The following DAB1 variants were observed in gnomAD, a reference collection of about 807,000 sequenced individuals.
DAB1 encodes disabled homolog 1.
In DAB1, 15 loss-of-function variants were observed where a neutral mutation model predicts 64.6. The ratio of observed to expected loss-of-function variants is 0.23; its 90% CI spans 0.16 to 0.36. The LOEUF is 0.36. Among genes scored for constraint, DAB1 ranks in the 10% least tolerant of loss-of-function variants. DAB1 has a pLI of 1.00. For synonymous variants in DAB1, 235 were observed against 251.9 expected (o/e 0.93, Z 0.64); for missense variants, 596 against 706.7 (o/e 0.84, Z 1.78).
chr1:57,579,959 G>A (rs1645292776), intron 7 of DAB1, among the ~76,000 whole-genome samples: 1 of 152,194 alleles, frequency 6.6e-6, no homozygotes, highest in Admixed American at 6.5e-5. Context: ...TGGTCACAGA[G>A]AGAGTGAGAG....
chr1:58,021,464 C>T (rs1646813823), intron 5 of DAB1, among the ~76,000 whole-genome samples: 1 of 152,102 alleles, frequency 6.6e-6, no homozygotes, highest in Non-Finnish European at 1.5e-5. Flanking sequence ...AATGGTAAAG[C>T]CTGGATAGAG....
chr1:58,128,026 T>A (rs1009482496), intron 5 of DAB1, among the ~76,000 whole-genome samples: 34 of 151,828 alleles, frequency 2.2e-4, no homozygotes, highest in African/African-American at 8.0e-4. Context: ...GGGGATGGCA[T>A]TGAATCTGTA....
intron 7 of DAB1, among the ~76,000 whole-genome samples, chr1:57,504,657 G>A (rs887883992): frequency 6.6e-6 from 1 of 152,154 alleles, no homozygotes; most frequent in African/African-American, 2.4e-5. Context: ...TACTCCTTAA[G>A]TGTGGGCTGG....
At chr1:57,553,436 AAGAAAGAG>A (rs1644943151) in intron 7 of DAB1, among the ~76,000 whole-genome samples, 1 of 18,952 alleles carries the variant, frequency 5.3e-5, no homozygotes, top group African/African-American at 8.2e-5. Flanking sequence ...GAAAGAAAGA[AAGAAAGAG>A]AAAGAAAGAA....
intron 1 of DAB1, among the ~76,000 whole-genome samples, chr1:57,343,090 A>G (rs1028026105): frequency 1.3e-5 from 2 of 151,960 alleles, no homozygotes; most frequent in African/African-American, 4.8e-5. Flanking sequence ...CTGTTTTGAC[A>G]GGGCGCTGAT....
rs1227304439 is a variant in DAB1, at chr1:57,052,712, A to C, written c.723+10172T>G. Among the ~76,000 whole-genome samples, 7 of 152,274 alleles carry C rather than the reference A, an allele frequency of 4.6e-5. No individual in the cohort carries two copies. In the East Asian group the frequency reaches 1.4e-3, roughly 29 times the overall value. ...AACATGGTGACAAATGGAATTGGAG[A>C]GTAGATGAATAATTCTAATGTCCAC... On this transcript the variant is annotated intron_variant, in intron 9 of 14. Transcript: ENST00000371236.
chr1:57,589,001 C>T (rs769090379), intron 7 of DAB1, among the ~76,000 whole-genome samples: 4 of 152,100 alleles, frequency 2.6e-5, no homozygotes, highest in Admixed American at 6.6e-5. Context: ...TTCGGGAGGC[C>T]GAGGCAGGTG....
chr1:58,446,028 C>G (rs534602938), intron 3 of DAB1, among the ~76,000 whole-genome samples: 2 of 152,326 alleles, frequency 1.3e-5, no homozygotes, highest in Admixed American at 6.5e-5. Context: ...GAAAGTCACC[C>G]ATCACAGGAC....
At chr1:57,057,129 A>G (rs956765080) in intron 9 of DAB1, among the ~76,000 whole-genome samples, 4 of 152,150 alleles carry the variant, frequency 2.6e-5, no homozygotes, top group East Asian at 3.9e-4. Context: ...TTGCGAGGCC[A>G]GGTTACTAAA....
intron 9 of DAB1, among the ~76,000 whole-genome samples, chr1:57,039,344 A>G (rs2100467604): frequency 6.6e-6 from 1 of 152,288 alleles, no homozygotes; most frequent in Admixed American, 6.5e-5. Flanking sequence ...AAATTTACAG[A>G]AAGGGAAGGA....
rs869204611 is a variant in DAB1 at position 58,180,281 on chromosome 1, C to CTTTTTTTTTTTTTTTTTTTTT, written n.310-29714_310-29694dup. The stretch of plus-strand genomic sequence containing the variant: ...CTTTCTTTTTTCTTTTTTTTCTTTT[C>CTTTTTTTTTTTTTTTTTTTTT]TTTTTTTTTTTTTTTTTTTTTTTTT... On this transcript the variant is annotated intron_variant and non_coding_transcript_variant, in intron 4 of 20. Transcript: ENST00000485760. 7.3e-3 allele frequency among the ~76,000 whole-genome samples: 446 copies of CTTTTTTTTTTTTTTTTTTTTT among 61,054 alleles called. 31 individuals carry two copies. The highest frequency in any genetic ancestry group is 0.011 in the African/African-American group (154 of 14,098). 40.1% of individuals were successfully genotyped at this position (61,054 alleles called of 152,430 possible).
At chr1:57,729,298 T>C (rs1647310817) in intron 6 of DAB1, among the ~76,000 whole-genome samples, 1 of 152,250 alleles carries the variant, frequency 6.6e-6, no homozygotes, top group African/African-American at 2.4e-5. Flanking sequence ...CCGTCCATGC[T>C]GGCTACTACT....
At chr1:58,190,283 CCT>C (rs1271815650) in intron 4 of DAB1, among the ~76,000 whole-genome samples, 1 of 152,136 alleles carries the variant, frequency 6.6e-6, no homozygotes, top group Non-Finnish European at 1.5e-5. Flanking sequence ...GAAAGAAACC[CCT>C]GACTGACTGT....
At chr1:58,431,284 TA>T (rs1158095781) in intron 3 of DAB1, among the ~76,000 whole-genome samples, 6 of 151,848 alleles carry the variant, frequency 4.0e-5, no homozygotes, top group Non-Finnish European at 7.4e-5. Flanking sequence ...CAAAGGCACT[TA>T]AAAAGAAAAA....
chr1:57,075,174 C>T (rs1026584819), intron 4 of DAB1, among the ~76,000 whole-genome samples: 72 of 152,106 alleles, frequency 4.7e-4, no homozygotes, highest in African/African-American at 1.3e-3. Flanking sequence ...AATTAAGCTG[C>T]GATTAGAAGT....
Position 58,538,494 on chromosome 1 carries a change from A to G in DAB1, n.32+8209T>C, listed in dbSNP as rs184430696. Among the ~76,000 whole-genome samples the G allele has an allele frequency of 8.2e-3, 1,252 of 152,174 alleles. 3 individuals are homozygous for G. The highest frequency in any genetic ancestry group is 0.012 in the Non-Finnish European group (817 of 67,980). On this transcript the variant is annotated intron_variant and non_coding_transcript_variant, in intron 1 of 20. Coordinates refer to the DAB1 transcript ENST00000485760. ...AAGATTTTGTAGTCATAAATATAAG[A>G]TTTTTTTAATGCCTATACAAAATGT...
intron 7 of DAB1, among the ~76,000 whole-genome samples, chr1:57,626,850 C>T (rs1645928728): frequency 6.6e-6 from 1 of 152,090 alleles, no homozygotes; most frequent in African/African-American, 2.4e-5. Flanking sequence ...CCCACAAAGG[C>T]CCTGCCTCCT....
At chr1:58,504,691 C>T (rs7536230) in intron 3 of DAB1, among the ~76,000 whole-genome samples, 47,314 of 152,076 alleles carry the variant, frequency 0.31, 7,796 homozygotes, top group African/African-American at 0.42. Flanking sequence ...ATCGATCTAC[C>T]TAATGAATGA....
At chr1:57,051,406 C>G (rs895153535) in intron 9 of DAB1, among the ~76,000 whole-genome samples, 2 of 152,124 alleles carry the variant, frequency 1.3e-5, no homozygotes, top group African/African-American at 4.8e-5. Context: ...ACCAACTGTT[C>G]AATTGTGAAT....
Sources: gnomAD v4.1 joint callset for allele counts (sites outside exome capture counted in the v4.1 genomes callset) on GRCh38, gnomAD v4.1.1 for gene constraint, MANE v1.5 for transcripts, NCBI Gene and HGNC (gene_info 2026-07-23, HGNC 2026-07-21) for gene names.